The following BAIAP2 variants were observed in gnomAD, a reference collection of about 807,000 sequenced individuals.
BAIAP2 encodes the protein BAR/IMD domain-containing adapter protein 2.
Under a neutral mutation model 63.0 loss-of-function variants are expected in BAIAP2, and 18 were observed. That is an observed-to-expected ratio of 0.29 (90% CI 0.20 to 0.42). The LOEUF (loss-of-function observed/expected upper bound fraction) is 0.42, where lower values mean the gene tolerates loss of function less well. Among genes scored for constraint, BAIAP2 ranks in the 10% least tolerant of loss-of-function variants. The probability of loss-of-function intolerance (pLI) is 1.00; values close to 1 mark genes in which losing one functional copy is unlikely to be tolerated. For synonymous variants in BAIAP2, 386 were observed against 307.6 expected, an observed-to-expected ratio of 1.25 and a Z score of -2.67; for missense variants, 610 against 734.3, an observed-to-expected ratio of 0.83 and a Z score of 1.96.
chr17:81,101,909 C>T (rs1050475037), intron 7 of BAIAP2, among the ~76,000 whole-genome samples: 16 of 152,260 alleles, frequency 1.1e-4, no homozygotes, highest in African/African-American at 3.9e-4. Context: ...CCTGCTAGAC[C>T]CAGGACAGTG....
chr17:81,086,740 C>A lies in BAIAP2; in HGVS notation c.489+160C>A, dbSNP rs571242350. Among the ~76,000 whole-genome samples the A allele has an allele frequency of 6.2e-4, 95 of 152,214 alleles. 1 individual carries two copies. The highest frequency in any genetic ancestry group is 1.2e-3 in the African/African-American group (51 of 41,452). ...TAGACCTCGGGAGCGGTGGGCCTGACGCCCCCAGGCCGGTGGGATGGTCGG... is the reference window on the plus strand; with the variant it reads ...TAGACCTCGGGAGCGGTGGGCCTGAAGCCCCCAGGCCGGTGGGATGGTCGG... On this transcript the variant is annotated intron_variant, in intron 6 of 13. Transcript: ENST00000428708.
intron 6 of BAIAP2, among the ~76,000 whole-genome samples, chr17:81,088,126 C>T (rs574507195): frequency 1.3e-5 from 2 of 152,162 alleles, no homozygotes; most frequent in South Asian, 2.1e-4. Flanking sequence ...AGACAAGCAG[C>T]GGACGGCACC....
At chr17:81,102,800 C>T (rs1178167274) in intron 7 of BAIAP2, among the ~76,000 whole-genome samples, 2 of 152,190 alleles carry the variant, frequency 1.3e-5, no homozygotes, top group Non-Finnish European at 2.9e-5. Context: ...TGGCCCACAG[C>T]TTAAGGGTCT....
intron 3 of BAIAP2, among the ~76,000 whole-genome samples, chr17:81,078,987 C>T (rs1378704175): frequency 1.3e-5 from 2 of 152,268 alleles, no homozygotes; most frequent in African/African-American, 2.4e-5. Flanking sequence ...CAGGCTCAGC[C>T]TGCAGGAGAG....
intron 10 of BAIAP2, chr17:81,104,968 C>CT: frequency 2.1e-6 from 1 of 468,796 alleles, no homozygotes. Flanking sequence ...GAGGGATCTC[C>CT]CCCCAACAGC....
At chr17:81,064,697 G>T (rs2051160301) in intron 3 of BAIAP2, among the ~76,000 whole-genome samples, 1 of 152,162 alleles carries the variant, frequency 6.6e-6, no homozygotes, top group Non-Finnish European at 1.5e-5. Context: ...GGTGATGTGG[G>T]TCTTTCTGTA....
chr17:81,076,011 T>A (rs946245880), intron 3 of BAIAP2, among the ~76,000 whole-genome samples: 2 of 151,566 alleles, frequency 1.3e-5, no homozygotes, highest in Non-Finnish European at 2.9e-5. Flanking sequence ...CACCCGGGTG[T>A]TCCCTCTTGC....
intron 1 of BAIAP2, among the ~76,000 whole-genome samples, chr17:81,050,104 T>C (rs2048423555): frequency 1.3e-5 from 2 of 152,152 alleles, no homozygotes; most frequent in Non-Finnish European, 2.9e-5. Context: ...GGGTGGCACC[T>C]ACAGTGCGTG....
intron 5 of BAIAP2, 27 bp from the exon 6 acceptor site, chr17:81,086,415 GT>G (rs765573261): frequency 2.5e-6 from 4 of 1,611,772 alleles, no homozygotes; most frequent in Non-Finnish European, 3.4e-6. Flanking sequence ...ATGGGCCTTG[GT>G]TTTGTGTTTT....
chr17:81,069,707 C>T (rs894057271), intron 3 of BAIAP2, among the ~76,000 whole-genome samples: 1 of 152,238 alleles, frequency 6.6e-6, no homozygotes, highest in Non-Finnish European at 1.5e-5. Flanking sequence ...CTCTCCCCCG[C>T]CAGGACTGTC....
intron 2 of BAIAP2, chr17:81,057,655 T>G: frequency 7.5e-7 from 1 of 1,336,828 alleles, no homozygotes. Context: ...ACTGGTACGT[T>G]GTGTTCTTAC....
intron 1 of BAIAP2, among the ~76,000 whole-genome samples, chr17:81,038,902 G>C (rs901875249): frequency 6.6e-6 from 1 of 151,380 alleles, no homozygotes; most frequent in African/African-American, 2.4e-5. Context: ...TTCCTGGGTG[G>C]GGGGGGCAGC....
intron 3 of BAIAP2, among the ~76,000 whole-genome samples, chr17:81,059,133 C>CG (rs1164879330): frequency 6.6e-6 from 1 of 152,124 alleles, no homozygotes; most frequent in African/African-American, 2.4e-5. Context: ...GCCCCCCCCC[C>CG]ACGCCCCCAC....
intron 3 of BAIAP2, among the ~76,000 whole-genome samples, chr17:81,082,317 C>T (rs1481225497): frequency 2.6e-5 from 4 of 152,160 alleles, no homozygotes; most frequent in Non-Finnish European, 2.9e-5. Flanking sequence ...TGCTCATGCC[C>T]GCACACATAT....
intron 1 of BAIAP2, among the ~76,000 whole-genome samples, chr17:81,048,419 C>G (rs1402894893): frequency 6.6e-6 from 1 of 151,534 alleles, no homozygotes; most frequent in African/African-American, 2.4e-5. Flanking sequence ...CCAGCACGGC[C>G]CAGGAGTGGG....
rs368314919 is a variant in BAIAP2, at chr17:81,074,366, CTGTG to C, written c.218-10461_218-10458del. On this transcript the variant is annotated intron_variant, in intron 3 of 13. Transcript: ENST00000428708. ...TGTGCGTGCACTGGTACATGTGTCA[CTGTG>C]TGTGCGTGCACGGATACGTGAGTGC... 1.5e-3 allele frequency among the ~76,000 whole-genome samples: 224 copies of C among 149,384 alleles called. 3 individuals carry two copies. The highest frequency in any genetic ancestry group is 7.5e-3 in the Middle Eastern group (2 of 268).
intron 4 of BAIAP2, chr17:81,085,188 A>G: frequency 1.9e-6 from 1 of 527,948 alleles, no homozygotes; most frequent in Non-Finnish European, 3.4e-6. Context: ...TGGGGTTCAC[A>G]AGGTTGCAAG....
chr17:81,115,992 G>C lies in BAIAP2; in HGVS notation c.*153G>C. On this transcript the variant is annotated 3_prime_UTR_variant, in exon 14 of 14. Transcript: ENST00000428708. ...TGAGTCTGGCCTGGACTGGATCCCA[G>C]CTGTTCTAGGCAGGGCCGGGCAGAG... 2 of 1,478,732 alleles carry C rather than the reference G, an allele frequency of 1.4e-6. No individual in the cohort carries two copies. Among genetic ancestry groups the C allele is most frequent in the Non-Finnish European group, 1.8e-6 (2 of 1,115,992 alleles). The allele number at this position is 1,478,732 out of a possible 1,614,324, so 91.6% of individuals were successfully genotyped here. A position where few individuals can be genotyped will look rare whatever the true frequency, so the allele number is the denominator to read the frequency against.
At chr17:81,051,914 G>A (rs547553188) in intron 1 of BAIAP2, among the ~76,000 whole-genome samples, 42 of 152,214 alleles carry the variant, frequency 2.8e-4, no homozygotes, top group African/African-American at 9.6e-4. Context: ...GGTCTTGAAC[G>A]CTTGGGCTCA....
Sources: gnomAD v4.1 joint callset for allele counts (sites outside exome capture counted in the v4.1 genomes callset) on GRCh38, gnomAD v4.1.1 for gene constraint, MANE v1.5 for transcripts, NCBI Gene and HGNC (gene_info 2026-07-23, HGNC 2026-07-21) for gene names.